The following RNF38 variants were observed in gnomAD, a reference collection of about 807,000 sequenced individuals.
The protein encoded by RNF38 is ring finger protein 38.
In RNF38, 15 loss-of-function variants were observed where a neutral mutation model predicts 67.2. The observed-to-expected ratio is 0.22, with a 90% CI of 0.15 to 0.34. The LOEUF is 0.34. Among genes scored for constraint, RNF38 ranks in the 10% least tolerant of loss-of-function variants. The probability of loss-of-function intolerance (pLI) is 1.00; values close to 1 mark genes in which losing one functional copy is unlikely to be tolerated. For synonymous variants in RNF38, 220 were observed against 218.8 expected, an observed-to-expected ratio of 1.01 and a Z score of -0.05; for missense variants, 524 against 639.9, an observed-to-expected ratio of 0.82 and a Z score of 1.95.
intron 2 of RNF38, among the ~76,000 whole-genome samples, chr9:36,416,630 C>T (rs2134216997): frequency 6.6e-6 from 1 of 152,068 alleles, no homozygotes; most frequent in Middle Eastern, 3.4e-3. Context: ...TGTGGTCCTT[C>T]CCCATTTCTA....
rs184002789 is a variant in RNF38 at position 36,458,475 on chromosome 9, T to C, written n.241+28833A>G. On this transcript the variant is annotated intron_variant and non_coding_transcript_variant, in intron 1 of 3. Coordinates refer to the RNF38 transcript ENST00000488058. ...ACTCTTTGGGTCTGCACTACCTTTA[T>C]GAGCTGTAACACACACCACAAGCGT... 7.2e-5 allele frequency among the ~76,000 whole-genome samples: 11 copies of C among 152,324 alleles called. No homozygotes were observed. The East Asian group carries it at 2.1e-3, about 29-fold the overall frequency.
intron 2 of RNF38, among the ~76,000 whole-genome samples, chr9:36,385,779 G>A (rs998901732): frequency 6.6e-6 from 1 of 152,118 alleles, no homozygotes; most frequent in Admixed American, 6.5e-5. Flanking sequence ...AGCCAGCACT[G>A]GTCAACAGAA....
At chr9:36,385,345 G>A (rs1464627034) in intron 2 of RNF38, among the ~76,000 whole-genome samples, 1 of 149,596 alleles carries the variant, frequency 6.7e-6, no homozygotes, top group Non-Finnish European at 1.5e-5. Flanking sequence ...CACAGTCACT[G>A]TTTGGTGGTC....
At chr9:36,371,166 C>G (rs1835352064) in intron 3 of RNF38, among the ~76,000 whole-genome samples, 1 of 152,088 alleles carries the variant, frequency 6.6e-6, no homozygotes, top group Admixed American at 6.6e-5. Context: ...GTCATTTTAG[C>G]AACTTTCTTT....
chr9:36,480,281 G>A (rs1840220220), intron 1 of RNF38, among the ~76,000 whole-genome samples: 1 of 151,934 alleles, frequency 6.6e-6, no homozygotes, highest in African/African-American at 2.4e-5. Flanking sequence ...GACTGGCCCT[G>A]TAAATGTGAT....
At chr9:36,480,548 CTTTTT>C (rs3072687) in intron 1 of RNF38, among the ~76,000 whole-genome samples, 6 of 100,814 alleles carry the variant, frequency 6.0e-5, no homozygotes, top group Non-Finnish European at 9.4e-5. Flanking sequence ...TTTTCTTTTT[CTTTTT>C]TTTTTTTTTT....
chr9:36,437,281 A>G (rs1365004290), intron 1 of RNF38, among the ~76,000 whole-genome samples: 2 of 152,224 alleles, frequency 1.3e-5, no homozygotes, highest in African/African-American at 4.8e-5. Context: ...TACAATTAAA[A>G]TATCTTCTCA....
At chr9:36,429,590 T>C (rs1409785631) in intron 1 of RNF38, among the ~76,000 whole-genome samples, 1 of 152,050 alleles carries the variant, frequency 6.6e-6, no homozygotes, top group South Asian at 2.1e-4. Context: ...ACCAGCCAGT[T>C]TGAGACCAGC....
chr9:36,454,900 A>G lies in RNF38; in HGVS notation n.242-30217T>C, dbSNP rs139529232. 6.9e-3 allele frequency among the ~76,000 whole-genome samples: 1,056 copies of G among 152,214 alleles called. 14 individuals are homozygous for G. The highest frequency in any genetic ancestry group is 0.024 in the African/African-American group (988 of 41,556). On this transcript the variant is annotated intron_variant and non_coding_transcript_variant, in intron 1 of 3. Coordinates refer to the RNF38 transcript ENST00000488058. ...CACCCGACCTAATTTTAAATCCTGT[A>G]AACAGATTTTCAAGGTTATATATTT... is the stretch of plus-strand genomic sequence containing the variant.
At chr9:36,421,992 G>A (rs1405669819) in intron 2 of RNF38, among the ~76,000 whole-genome samples, 2 of 152,140 alleles carry the variant, frequency 1.3e-5, no homozygotes, top group Non-Finnish European at 2.9e-5. Flanking sequence ...AACACTTTGG[G>A]AGGCTGAGTT....
At chr9:36,405,284 T>C (rs1243703560), upstream of RNF38, among the ~76,000 whole-genome samples, 4 of 151,808 alleles carry the variant, frequency 2.6e-5, no homozygotes, top group African/African-American at 9.7e-5. Context: ...AAAAAATTCA[T>C]AAATGGATGT....
At chr9:36,405,618 C>T (rs1838158985), upstream of RNF38, among the ~76,000 whole-genome samples, 2 of 152,166 alleles carry the variant, frequency 1.3e-5, no homozygotes, top group African/African-American at 4.8e-5. Context: ...GTGTTAACGC[C>T]TTCTTTAAAT....
At position 36,353,166 on chromosome 9, in the gene RNF38, TTAC is replaced by T; in HGVS notation, c.1071+1_1071+3del. On this transcript the variant is annotated splice_donor_variant and splice_donor_region_variant and intron_variant, in intron 7 of 11. Coordinates refer to ENST00000259605, the MANE Select transcript of RNF38 (RefSeq NM_022781.5). LOFTEE classifies it high-confidence loss of function. ...AATTAACATAGTACTCTGTGAAAACTTACTACTCCAAAGGACACCTCCTGATGC... is the reference window on the plus strand; with the variant it reads ...AATTAACATAGTACTCTGTGAAAACTTACTCCAAAGGACACCTCCTGATGC... 4.3e-6 allele frequency: 7 copies of T among 1,613,216 alleles called. No homozygotes were observed. Among genetic ancestry groups the T allele is most frequent in the Non-Finnish European group, 5.9e-6 (7 of 1,179,308 alleles).
chr9:36,344,083 G>A lies in RNF38; in HGVS notation c.1385+749C>T, dbSNP rs556480399. 2.0e-4 allele frequency among the ~76,000 whole-genome samples: 31 copies of A among 151,666 alleles called. No homozygotes were observed. The South Asian group carries it at 5.8e-3, about 29-fold the overall frequency. On this transcript the variant is annotated intron_variant, in intron 10 of 11. Transcript: ENST00000259605. ...GGCTGGAGTGCAGTGGTGTGATCTC[G>A]GCTCACTGCAACCTCCACCTCCTGG...
intron 3 of RNF38, among the ~76,000 whole-genome samples, chr9:36,370,166 C>G (rs1835268665): frequency 6.6e-6 from 1 of 152,104 alleles, no homozygotes; most frequent in Non-Finnish European, 1.5e-5. Context: ...ATTTAGAAAT[C>G]AACAGCTACA....
intron 4 of RNF38, among the ~76,000 whole-genome samples, chr9:36,362,674 AG>A (rs1340610313): frequency 5.9e-5 from 9 of 151,612 alleles, no homozygotes; most frequent in African/African-American, 2.2e-4. Context: ...CTTTTGAGAC[AG>A]AGTCTTGCTC....
intron 1 of RNF38, among the ~76,000 whole-genome samples, chr9:36,396,827 C>T (rs1379353863): frequency 1.3e-5 from 2 of 151,246 alleles, no homozygotes; most frequent in South Asian, 2.1e-4. Context: ...AAACTGAGGT[C>T]CAAACACTGG....
At chr9:36,435,693 G>A (rs1047042260) in intron 1 of RNF38, among the ~76,000 whole-genome samples, 11 of 151,074 alleles carry the variant, frequency 7.3e-5, no homozygotes, top group Non-Finnish European at 8.9e-5. Context: ...GCAGTGGCGC[G>A]ATCTCGGCTC....
chr9:36,340,384 C>CT (rs1385976592), intron 11 of RNF38, among the ~76,000 whole-genome samples: 2 of 152,186 alleles, frequency 1.3e-5, no homozygotes, highest in Non-Finnish European at 2.9e-5. Flanking sequence ...CTTGGTTAGT[C>CT]TTTTTTTCCC....
Sources: gnomAD v4.1 joint callset for allele counts (sites outside exome capture counted in the v4.1 genomes callset) on GRCh38, gnomAD v4.1.1 for gene constraint, MANE v1.5 for transcripts, NCBI Gene and HGNC (gene_info 2026-07-23, HGNC 2026-07-21) for gene names.